Variants in TLE2 observed in about 807,000 individuals in gnomAD.
The protein encoded by TLE2 is transducin-like enhancer protein 2.
Under a neutral mutation model 97.2 loss-of-function variants are expected in TLE2, and 74 were observed. The observed-to-expected ratio is 0.76, with a 90% confidence interval of 0.63 to 0.92. TLE2 has a LOEUF of 0.92. TLE2 is among the 40% of genes least tolerant of loss of function. The probability of loss-of-function intolerance (pLI) is 0.00; values close to 1 mark genes in which losing one functional copy is unlikely to be tolerated. For synonymous variants in TLE2, 499 were observed against 432.1 expected, an observed-to-expected ratio of 1.15 and a Z score of -1.92; for missense variants, 1,038 against 1,008.7, an observed-to-expected ratio of 1.03 and a Z score of -0.39.
chr19:3,046,680 C>A (rs1344990669), upstream of TLE2, among the ~76,000 whole-genome samples: 2 of 151,770 alleles, frequency 1.3e-5, no homozygotes, highest in Non-Finnish European at 2.9e-5. Context: ...CGAGGCCCAG[C>A]GGGCAGGGGA....
chr19:3,046,768 C>T (rs2090144161), upstream of TLE2, among the ~76,000 whole-genome samples: 1 of 151,992 alleles, frequency 6.6e-6, no homozygotes. Flanking sequence ...AGGGGAGAGC[C>T]TTGGAGAAGG....
Position 3,005,546 on chromosome 19 carries a change from T to C in TLE2, c.1787A>G (p.Asp596Gly). The change falls in exon 17 of 20, where the codon GAT becomes GGT. Residue 596 changes from aspartate to glycine, a missense_variant. Physicochemically the swap from Asp to Gly is moderately conservative, Grantham distance 94. Transcript: ENST00000262953. ...QGHTDGASCI[D>G]ISDYGTRLWT... is the part of the protein sequence containing the mutation. ...GAGCCGAGTGCCGTAATCGGAAATA[T>C]CAATGCAGCTGGCGCCGTCCGTGTG... The C allele has an allele frequency of 1.2e-6, 2 of 1,613,570 alleles. No individual in the cohort carries two copies. The highest frequency in any genetic ancestry group is 1.7e-6 in the Non-Finnish European group (2 of 1,179,740).
chr19:3,024,630 C>A (rs913661335), intron 5 of TLE2, among the ~76,000 whole-genome samples: 1 of 152,096 alleles, frequency 6.6e-6, no homozygotes, highest in African/African-American at 2.4e-5. Context: ...TCTCCAGCAC[C>A]CTGGGTGTAT....
At chr19:3,013,897 C>G (rs548872870) in intron 10 of TLE2, 79 bp from the exon 11 acceptor site, 68 of 1,311,044 alleles carry the variant, frequency 5.2e-5, no homozygotes, top group Non-Finnish European at 6.3e-5. Flanking sequence ...CCTCCCGACT[C>G]CCACCCCAAT....
intron 15 of TLE2, 71 bp downstream of exon 15, chr19:3,006,349 C>T (rs1405783917): frequency 2.8e-5 from 43 of 1,555,118 alleles, no homozygotes; most frequent in Admixed American, 5.3e-5. Context: ...AGCCTGCGAA[C>T]ACCGCCCCAT....
upstream of TLE2, among the ~76,000 whole-genome samples, chr19:3,031,152 G>A (rs2090021421): frequency 6.6e-6 from 1 of 151,938 alleles, no homozygotes; most frequent in Non-Finnish European, 1.5e-5. Context: ...GGTAATTATG[G>A]GACTATTTGT....
At chr19:3,031,853 C>A (rs1259625704), upstream of TLE2, among the ~76,000 whole-genome samples, 1 of 151,054 alleles carries the variant, frequency 6.6e-6, no homozygotes, top group Non-Finnish European at 1.5e-5. Flanking sequence ...TTCTGCCCAC[C>A]CCGTTATTTT....
intron 17 of TLE2, among the ~76,000 whole-genome samples, chr19:3,004,614 CA>C (rs61444494): frequency 0.17 from 14,729 of 88,838 alleles, 1,557 homozygotes; most frequent in African/African-American, 0.37. Flanking sequence ...AACTCTGTCT[CA>C]AAAAAAAAAA....
rs2089796647 is a variant in TLE2, at chr19:3,019,646, G to A, written c.369+53C>T. ...TTAACACCTCCTGGGTGGGTGCCAG[G>A]GACCTGGGAGTGGGCGTCTCCCCAT... On this transcript the variant is annotated intron_variant, in intron 6 of 19. Transcript: ENST00000262953. The surrounding 1 kb of genome is among the most constrained non-coding windows in gnomAD (Gnocchi z 5.1). 6.3e-7 allele frequency: 1 copy of A among 1,581,424 alleles called. No homozygotes were observed.
At chr19:3,036,668 T>C (rs1842638025) in intron 1 of TLE2, among the ~76,000 whole-genome samples, 1 of 152,224 alleles carries the variant, frequency 6.6e-6, no homozygotes, top group Admixed American at 6.5e-5. Context: ...TGAGGAGCCA[T>C]CTCCCTAGAA....
chr19:3,013,181 T>C (rs1257524458), intron 11 of TLE2, among the ~76,000 whole-genome samples: 1 of 152,098 alleles, frequency 6.6e-6, no homozygotes, highest in Non-Finnish European at 1.5e-5. Flanking sequence ...CTGGGGGTGC[T>C]TTTAGATGGC....
intron 1 of TLE2, among the ~76,000 whole-genome samples, chr19:3,043,752 G>C (rs2090122329): frequency 6.6e-6 from 1 of 151,760 alleles, no homozygotes. Context: ...GGAGCTTGCA[G>C]TGAGCCAAGA....
intron 19 of TLE2, 78 bp downstream of exon 19, chr19:3,000,569 G>A (rs969675936): frequency 1.5e-6 from 2 of 1,360,328 alleles, no homozygotes; most frequent in Non-Finnish European, 2.0e-6. Flanking sequence ...GACAGGGACA[G>A]GGGCAATCTC....
intron 1 of TLE2, among the ~76,000 whole-genome samples, chr19:3,042,897 A>G (rs10418178): frequency 0.031 from 4,655 of 152,210 alleles, 251 homozygotes; most frequent in African/African-American, 0.11. Context: ...GACATTACCC[A>G]GGAGAGAAAG....
At chr19:3,021,578 CTTATTT>C (rs1275194516) in intron 5 of TLE2, among the ~76,000 whole-genome samples, 2 of 151,936 alleles carry the variant, frequency 1.3e-5, no homozygotes, top group African/African-American at 4.8e-5. Context: ...ATTTAATAGG[CTTATTT>C]TTATTTTTAC....
intron 14 of TLE2, 125 bp from the exon 15 acceptor site, chr19:3,006,794 G>GT: frequency 2.2e-6 from 3 of 1,394,160 alleles, no homozygotes; most frequent in Non-Finnish European, 2.9e-6. Context: ...TTTTTGTTTT[G>GT]TTTTTTGAGA....
intron 9 of TLE2, 143 bp from the exon 10 acceptor site, chr19:3,014,757 A>G (rs2089667161): frequency 3.9e-6 from 3 of 774,300 alleles, no homozygotes; most frequent in Middle Eastern, 2.6e-4. Context: ...CCGTTTGCTC[A>G]TAGCAGAAGG....
chr19:3,019,229 C>A lies in TLE2; in HGVS notation c.550+54G>T. ...ATGTTTGCTACCCTGGACTGCCAGT[C>A]GTCCTCCCCAGCCCCGTCTCCCCAG... On this transcript the variant is annotated intron_variant, in intron 7 of 19. Coordinates refer to ENST00000262953, the MANE Select transcript of TLE2 (RefSeq NM_003260.5). This position sits in a 1 kb window ranked among gnomAD's most constrained non-coding sequence, Gnocchi z 5.1. 1 of 1,536,524 alleles carries A rather than the reference C, an allele frequency of 6.5e-7. No homozygotes were observed. The highest frequency in any genetic ancestry group is 1.2e-5 in the South Asian group (1 of 83,610).
chr19:3,000,758 G>A (rs200430664), intron 18 of TLE2, 35 bp from the exon 19 acceptor site: 40 of 1,544,234 alleles, frequency 2.6e-5, no homozygotes, highest in Non-Finnish European at 3.5e-5. Context: ...TCAAGGAGGG[G>A]GCACTAACGA....
Sources: gnomAD v4.1 joint callset for allele counts (sites outside exome capture counted in the v4.1 genomes callset) on GRCh38, gnomAD v4.1.1 for gene constraint, Gnocchi (gnomAD v3.1) non-coding constraint, MANE v1.5 for transcripts, NCBI Gene and HGNC (gene_info 2026-07-23, HGNC 2026-07-21) for gene names.